Variants in NBAS observed in about 807,000 individuals in gnomAD.
NBAS encodes the protein NBAS subunit of NRZ tethering complex, also known as NAG/BC035112 fusion.
In NBAS, 219 loss-of-function variants were observed where a neutral mutation model predicts 302.5. The observed-to-expected ratio is 0.72, with a 90% CI of 0.65 to 0.81. The LOEUF (loss-of-function observed/expected upper bound fraction) is 0.81. NBAS is among the 30% of genes least tolerant of loss of function. The pLI is 0.00. For missense variants in NBAS, 2,932 were observed against 2,841.6 expected, an observed-to-expected ratio of 1.03 and a Z score of -0.72; for synonymous variants, 1,118 against 1,021.6, an observed-to-expected ratio of 1.09 and a Z score of -1.80.
chr2:15,164,963 T>G (rs4142229), downstream of NBAS, among the ~76,000 whole-genome samples: 20,424 of 152,186 alleles, frequency 0.13, 2,062 homozygotes, highest in East Asian at 0.45. Flanking sequence ...GCTGGGGGAC[T>G]GGAATGTGGA....
At chr2:14,972,216 T>C in the NBAS span, among the ~76,000 whole-genome samples, 25 of 152,006 alleles carry the variant, frequency 1.6e-4, no homozygotes, top group African/African-American at 5.8e-4. Flanking sequence ...AACCAAACAC[T>C]GCATGTTCTT....
chr2:14,852,769 A>G, the NBAS span, among the ~76,000 whole-genome samples: 6 of 147,920 alleles, frequency 4.1e-5, no homozygotes, highest in Non-Finnish European at 7.4e-5. Context: ...ATAATGCCGC[A>G]TACCTACAAC....
intron 12 of NBAS, among the ~76,000 whole-genome samples, chr2:15,485,075 A>G (rs1393525595): frequency 6.6e-6 from 1 of 152,114 alleles, no homozygotes; most frequent in Non-Finnish European, 1.5e-5. Context: ...CAACCCCACT[A>G]CATCATGAGT....
chr2:14,962,518 G>A, the NBAS span, among the ~76,000 whole-genome samples: 1 of 152,082 alleles, frequency 6.6e-6, no homozygotes, highest in Admixed American at 6.6e-5. Context: ...ATCTGCTTGA[G>A]ACCAGGCTGT....
chr2:14,902,022 G>A, the NBAS span, among the ~76,000 whole-genome samples: 35,868 of 152,040 alleles, frequency 0.24, 4,422 homozygotes, highest in Non-Finnish European at 0.27. Flanking sequence ...AGTCACTCAA[G>A]CTGTCTTGTG....
In NBAS at chr2:15,394,459, C is replaced by T. The variant is rs78584539; in HGVS notation, c.3135-110G>A. 1.2e-3 allele frequency: 1,377 copies of T among 1,156,294 alleles called. 18 individuals are homozygous for T. In the African/African-American group the frequency reaches 0.017, roughly 15 times the overall value. The allele number at this position is 1,156,294 out of a possible 1,614,324, so 71.6% of individuals were successfully genotyped here. ...TGTTTAGTATTAAAAAAAAATTATCCCATAGTGTAATCCAATTTTACATAT... is the reference window on the plus strand; with the variant it reads ...TGTTTAGTATTAAAAAAAAATTATCTCATAGTGTAATCCAATTTTACATAT... On this transcript the variant is annotated intron_variant, in intron 27 of 51. Coordinates refer to ENST00000281513, the MANE Select transcript of NBAS (RefSeq NM_015909.4).
At chr2:15,009,663 C>CAT in the NBAS span, among the ~76,000 whole-genome samples, 64 of 128,426 alleles carry the variant, frequency 5.0e-4, no homozygotes, top group African/African-American at 1.2e-3. Context: ...TGTAGGAATG[C>CAT]ATATATATAT....
At chr2:14,832,753 T>C in the NBAS span, among the ~76,000 whole-genome samples, 5 of 152,216 alleles carry the variant, frequency 3.3e-5, no homozygotes, top group African/African-American at 9.6e-5. Context: ...GATTCTACAC[T>C]AGGGTTTCTC....
intron 6 of NBAS, among the ~76,000 whole-genome samples, chr2:15,545,022 A>AT (rs1032652616): frequency 2.3e-4 from 35 of 151,924 alleles, no homozygotes; most frequent in East Asian, 3.9e-4. Flanking sequence ...CAAAAAAAAA[A>AT]ATATATCCAA....
the NBAS span, among the ~76,000 whole-genome samples, chr2:15,059,947 T>TA: frequency 0.038 from 1,911 of 49,770 alleles, 37 homozygotes; most frequent in East Asian, 0.083. Flanking sequence ...GCAGTGCTGC[T>TA]AAAAAAAAAA....
chr2:15,110,101 T>C, the NBAS span, among the ~76,000 whole-genome samples: 1 of 152,092 alleles, frequency 6.6e-6, no homozygotes, highest in Non-Finnish European at 1.5e-5. Flanking sequence ...AATTAATTTC[T>C]GAAGCTGGGG....
At chr2:15,402,141 T>G in intron 26 of NBAS, 27 bp downstream of exon 26, 4 of 1,612,786 alleles carry the variant, frequency 2.5e-6, no homozygotes, top group Non-Finnish European at 3.4e-6. Flanking sequence ...AAAAACACAA[T>G]AAGACTGGCA....
intron 44 of NBAS, among the ~76,000 whole-genome samples, chr2:15,257,315 T>C (rs952428205): frequency 2.0e-5 from 3 of 152,164 alleles, no homozygotes; most frequent in Non-Finnish European, 4.4e-5. Flanking sequence ...GGTTTTCTAG[T>C]TTGTGTGTGT....
At chr2:15,450,933 G>A (rs1678974435) in intron 21 of NBAS, among the ~76,000 whole-genome samples, 1 of 152,050 alleles carries the variant, frequency 6.6e-6, no homozygotes, top group Non-Finnish European at 1.5e-5. Context: ...TTCTTCTTAT[G>A]GAAGACAACC....
At chr2:15,121,484 G>C in the NBAS span, among the ~76,000 whole-genome samples, 1 of 116,132 alleles carries the variant, frequency 8.6e-6, no homozygotes, top group Non-Finnish European at 1.6e-5. Context: ...CAAACACTAG[G>C]ACAAAACACT....
At chr2:15,188,729 G>C (rs1292488168) in intron 49 of NBAS, among the ~76,000 whole-genome samples, 2 of 152,166 alleles carry the variant, frequency 1.3e-5, no homozygotes, top group Non-Finnish European at 2.9e-5. Flanking sequence ...TTTAAGTAAA[G>C]CTGATTTTGG....
At chr2:15,205,955 G>A (rs948577513) in intron 48 of NBAS, among the ~76,000 whole-genome samples, 1 of 152,132 alleles carries the variant, frequency 6.6e-6, no homozygotes, top group African/African-American at 2.4e-5. Flanking sequence ...TAGAAAATCA[G>A]TACCGAGATA....
chr2:15,206,734 G>T (rs1428409565), intron 48 of NBAS, among the ~76,000 whole-genome samples: 2 of 152,240 alleles, frequency 1.3e-5, no homozygotes. Flanking sequence ...TTCAGAGAGT[G>T]CAAGCCAAGC....
At chr2:15,259,528 A>G (rs1668756753) in intron 44 of NBAS, among the ~76,000 whole-genome samples, 1 of 152,214 alleles carries the variant, frequency 6.6e-6, no homozygotes, top group African/African-American at 2.4e-5. Flanking sequence ...GCTTGCAATT[A>G]TAATCCTTTC....
Sources: allele counts gnomAD v4.1 joint callset (sites outside exome capture counted in the v4.1 genomes callset), GRCh38; gene constraint gnomAD v4.1.1; transcripts MANE v1.5; gene names NCBI Gene and HGNC (gene_info 2026-07-23, HGNC 2026-07-21).